Variants in ASXL2 observed in about 807,000 individuals in gnomAD.
ASXL2 encodes ASXL transcriptional regulator 2.
In ASXL2, 23 loss-of-function variants were observed where a neutral mutation model predicts 122.0. The observed-to-expected ratio is 0.19, with a 90% CI of 0.14 to 0.27. The LOEUF is 0.27. ASXL2 is among the 10% of genes least tolerant of loss of function. The pLI is 1.00. For synonymous variants in ASXL2, 650 were observed against 637.0 expected, an observed-to-expected ratio of 1.02 and a Z score of -0.31; for missense variants, 1,518 against 1,713.8, an observed-to-expected ratio of 0.89 and a Z score of 2.02.
intron 5 of ASXL2, among the ~76,000 whole-genome samples, chr2:25,788,595 C>A (rs932016491): frequency 6.6e-6 from 1 of 152,150 alleles, no homozygotes; most frequent in Non-Finnish European, 1.5e-5. Context: ...CACATGATCA[C>A]TAGCAGTTGG....
intron 1 of ASXL2, among the ~76,000 whole-genome samples, 154 bp downstream of exon 1, chr2:25,878,012 G>A (rs1289467803): frequency 1.3e-5 from 2 of 152,148 alleles, no homozygotes; most frequent in African/African-American, 4.8e-5. Flanking sequence ...ATTCCCACAG[G>A]GATCGCAACC....
intron 1 of ASXL2, among the ~76,000 whole-genome samples, chr2:25,860,899 C>A (rs751839929): frequency 1.3e-5 from 2 of 151,596 alleles, no homozygotes; most frequent in Non-Finnish European, 2.9e-5. Context: ...GTAGTCCCAG[C>A]TACTTGGGAG....
intron 6 of ASXL2, 25 bp downstream of exon 6, chr2:25,771,415 A>G: frequency 1.3e-6 from 2 of 1,580,860 alleles, no homozygotes; most frequent in Non-Finnish European, 1.7e-6. Flanking sequence ...ATTCTACTTG[A>G]TAAATACAGA....
intron 3 of ASXL2, among the ~76,000 whole-genome samples, chr2:25,834,365 T>C (rs2089485468): frequency 6.6e-6 from 1 of 151,880 alleles, no homozygotes; most frequent in Admixed American, 6.6e-5. Context: ...AAAAAATAAA[T>C]AAATAAATAA....
intron 8 of ASXL2, among the ~76,000 whole-genome samples, chr2:25,765,774 C>T (rs945954860): frequency 6.6e-6 from 1 of 152,094 alleles, no homozygotes; most frequent in African/African-American, 2.4e-5. Context: ...GTAGAATATG[C>T]GCTCCATGAG....
chr2:25,774,064 A>T (rs1443621230), intron 5 of ASXL2, among the ~76,000 whole-genome samples: 1 of 151,894 alleles, frequency 6.6e-6, no homozygotes, highest in Admixed American at 6.6e-5. Flanking sequence ...TATAATTCAT[A>T]TACTATACAT....
intron 4 of ASXL2, among the ~76,000 whole-genome samples, chr2:25,803,509 C>T (rs2089031192): frequency 6.6e-6 from 1 of 152,152 alleles, no homozygotes; most frequent in Non-Finnish European, 1.5e-5. Context: ...ACACTGTCTC[C>T]AGATAGATAG....
At chr2:25,751,465 T>G (rs2088044151) in intron 11 of ASXL2, among the ~76,000 whole-genome samples, 1 of 151,860 alleles carries the variant, frequency 6.6e-6, no homozygotes, top group Non-Finnish European at 1.5e-5. Context: ...AAAACCCCAC[T>G]CCTACAAAAA....
chr2:25,771,675 T>G, intron 5 of ASXL2, 135 bp from the exon 6 acceptor site: 3 of 693,320 alleles, frequency 4.3e-6, no homozygotes. Flanking sequence ...CTTTTTGGAG[T>G]TTTACTGCAA....
At chr2:25,810,158 A>C in intron 3 of ASXL2, 1 of 567,218 alleles carries the variant, frequency 1.8e-6, no homozygotes, top group Non-Finnish European at 3.4e-6. Context: ...CATCACTCAG[A>C]CACTTCAGGT....
chr2:25,820,120 T>G (rs1302152647), intron 3 of ASXL2, among the ~76,000 whole-genome samples: 1 of 152,174 alleles, frequency 6.6e-6, no homozygotes, highest in Non-Finnish European at 1.5e-5. Context: ...CTCGCTTTGT[T>G]GCCCAGGTTG....
intron 4 of ASXL2, among the ~76,000 whole-genome samples, chr2:25,804,551 T>C (rs1298290203): frequency 6.6e-6 from 1 of 152,230 alleles, no homozygotes; most frequent in African/African-American, 2.4e-5. Context: ...AAACTCTGAC[T>C]GAGAGCGAAG....
At chr2:25,876,577 G>A (rs1239593192) in intron 1 of ASXL2, among the ~76,000 whole-genome samples, 2 of 152,004 alleles carry the variant, frequency 1.3e-5, no homozygotes. Context: ...ATAAATTAGG[G>A]TCCAGGTCTG....
chr2:25,770,068 T>C (rs1362884275), intron 6 of ASXL2, among the ~76,000 whole-genome samples: 23 of 152,268 alleles, frequency 1.5e-4, no homozygotes, highest in Admixed American at 1.4e-3. Context: ...AAGATGTTCA[T>C]AAATTCCTGC....
intron 5 of ASXL2, among the ~76,000 whole-genome samples, chr2:25,798,524 G>A (rs1478794161): frequency 6.6e-6 from 1 of 152,182 alleles, no homozygotes. Context: ...AGCATTTTGG[G>A]AGGCCGAGGC....
At chr2:25,829,961 C>T (rs1574437807) in intron 3 of ASXL2, among the ~76,000 whole-genome samples, 1 of 152,328 alleles carries the variant, frequency 6.6e-6, no homozygotes, top group East Asian at 1.9e-4. Flanking sequence ...GCTGAAGACT[C>T]CCTTTTGTCC....
rs79739373 is a variant in ASXL2, at chr2:25,770,011, T to C, written c.505-1143A>G. 2.5e-3 allele frequency among the ~76,000 whole-genome samples: 382 copies of C among 152,342 alleles called. 3 individuals carry two copies. The highest frequency in any genetic ancestry group is 8.8e-3 in the African/African-American group (365 of 41,576). ...AAGTACATAAAATGGCAGTATTGAC[T>C]GACCATTGATTATCGCTTATTCTCT... On this transcript the variant is annotated intron_variant, in intron 6 of 12. Coordinates refer to ENST00000435504, the MANE Select transcript of ASXL2 (RefSeq NM_018263.6).
At position 25,745,857 on chromosome 2, in the gene ASXL2, G is replaced by T. The variant is rs1392199410; in HGVS notation, c.1861-1381C>A. Reference sequence around the variant, plus strand: ...GATGGGGTTTCACCATGTTGGCCAGGATGGTCTCGAACTCCTGACTTCAAG... The same window carrying T: ...GATGGGGTTTCACCATGTTGGCCAGTATGGTCTCGAACTCCTGACTTCAAG... On this transcript the variant is annotated intron_variant, in intron 12 of 12. Coordinates refer to ENST00000435504, the MANE Select transcript of ASXL2 (RefSeq NM_018263.6). Among the ~76,000 whole-genome samples, 3 of 151,540 alleles carry T rather than the reference G, an allele frequency of 2.0e-5. No homozygotes were observed. The East Asian group carries it at 5.9e-4, about 30-fold the overall frequency.
chr2:25,868,112 A>G (rs2271664), intron 1 of ASXL2, among the ~76,000 whole-genome samples: 114,019 of 152,194 alleles, frequency 0.75, 44,216 homozygotes, highest in Non-Finnish European at 0.83. Context: ...GGTTACATCC[A>G]TTTCTTAAAA....
Sources: gnomAD v4.1 joint callset for allele counts (sites outside exome capture counted in the v4.1 genomes callset) on GRCh38, gnomAD v4.1.1 for gene constraint, MANE v1.5 for transcripts, NCBI Gene and HGNC (gene_info 2026-07-23, HGNC 2026-07-21) for gene names.